MAP3K14: variants seen among roughly 807,000 people sequenced by gnomAD.
The protein encoded by MAP3K14 is NF-kappa-beta-inducing kinase.
In MAP3K14, 16 loss-of-function variants were observed where a neutral mutation model predicts 99.2. The ratio of observed to expected loss-of-function variants is 0.16; its 90% CI spans 0.11 to 0.24. The LOEUF (loss-of-function observed/expected upper bound fraction) is 0.24. MAP3K14 is among the 10% of genes least tolerant of loss of function. The pLI, the probability that MAP3K14 is intolerant of heterozygous loss-of-function variation, is 1.00. For synonymous variants in MAP3K14, 462 were observed against 492.4 expected (o/e 0.94, Z 0.82); for missense variants, 784 against 1,208.7 (o/e 0.65, Z 5.21).
intron 1 of MAP3K14, among the ~76,000 whole-genome samples, chr17:45,299,844 C>A (rs1364591010): frequency 6.6e-6 from 1 of 152,046 alleles, no homozygotes; most frequent in Admixed American, 6.5e-5. Flanking sequence ...AATCCCAGCA[C>A]TTTCGGAGGC....
chr17:45,293,096 G>A (rs138089681), intron 1 of MAP3K14, among the ~76,000 whole-genome samples: 5 of 152,212 alleles, frequency 3.3e-5, no homozygotes, highest in South Asian at 2.1e-4. Flanking sequence ...CACAGACCAC[G>A]CAACTGACGC....
At chr17:45,296,474 G>A (rs1005683812) in intron 1 of MAP3K14, among the ~76,000 whole-genome samples, 22 of 151,892 alleles carry the variant, frequency 1.4e-4, no homozygotes, top group Admixed American at 6.6e-5. Context: ...CTGCACCACC[G>A]CACTCCAGTC....
At chr17:45,305,075 A>AT (rs1238748259) in intron 1 of MAP3K14, among the ~76,000 whole-genome samples, 1 of 151,826 alleles carries the variant, frequency 6.6e-6, no homozygotes, top group Non-Finnish European at 1.5e-5. Context: ...GAAGTGTAAG[A>AT]TTTTTTTTGG....
At chr17:45,310,091 A>G (rs61576457) in intron 1 of MAP3K14, among the ~76,000 whole-genome samples, 2 of 147,124 alleles carry the variant, frequency 1.4e-5, no homozygotes, top group Non-Finnish European at 3.0e-5. Context: ...CTGGAGTGCA[A>G]TGGTGGATCT....
At chr17:45,289,867 C>T (rs1411733259) in intron 2 of MAP3K14, among the ~76,000 whole-genome samples, 1 of 152,184 alleles carries the variant, frequency 6.6e-6, no homozygotes, top group Admixed American at 6.6e-5. Flanking sequence ...AGAAGCCTCC[C>T]GGGTTGAGGG....
intron 1 of MAP3K14, among the ~76,000 whole-genome samples, chr17:45,299,187 C>T (rs2044368362): frequency 6.6e-6 from 1 of 152,004 alleles, no homozygotes; most frequent in African/African-American, 2.4e-5. Flanking sequence ...GATGAGTGAG[C>T]GGGGTATAAT....
chr17:45,265,369 C>A, intron 14 of MAP3K14, 106 bp from the exon 15 acceptor site: 2 of 744,674 alleles, frequency 2.7e-6, no homozygotes, highest in East Asian at 5.0e-5. Flanking sequence ...TCACTCTGCC[C>A]TATGTAGGGG....
At chr17:45,266,066 G>A (rs2044079116) in intron 14 of MAP3K14, among the ~76,000 whole-genome samples, 1 of 152,210 alleles carries the variant, frequency 6.6e-6, no homozygotes, top group Non-Finnish European at 1.5e-5. Context: ...TGCCCTTGTT[G>A]TAGCAAAGCC....
intron 7 of MAP3K14, 54 bp from the exon 8 acceptor site, chr17:45,274,308 G>A: frequency 6.3e-7 from 1 of 1,580,472 alleles, no homozygotes; most frequent in Admixed American, 1.8e-5. Context: ...CTCCATGCCA[G>A]CCAAGGGCAA....
intron 1 of MAP3K14, among the ~76,000 whole-genome samples, chr17:45,306,979 C>T (rs74253619): frequency 0.023 from 3,455 of 152,166 alleles, 126 homozygotes; most frequent in East Asian, 0.15. Context: ...TTTTTCAGGC[C>T]GGGAGTGGTG....
chr17:45,287,736 GCTC>G (rs2044278827), intron 3 of MAP3K14, among the ~76,000 whole-genome samples: 1 of 152,224 alleles, frequency 6.6e-6, no homozygotes, highest in African/African-American at 2.4e-5. Flanking sequence ...TTCGCTCACT[GCTC>G]TCCAAGGTGA....
In MAP3K14 at chr17:45,286,328, GTTTGA is replaced by G. The variant is rs889419546; in HGVS notation, c.1152+98_1152+102del. On this transcript the variant is annotated intron_variant, in intron 5 of 15. Coordinates refer to ENST00000344686, the MANE Select transcript of MAP3K14 (RefSeq NM_003954.5). The surrounding 1 kb of genome is among the most constrained non-coding windows in gnomAD (Gnocchi z 4.1). ...CATCCACAATGAGCACTGTCCTACT[GTTTGA>G]TTTGTCACCACAGGCAAGAGTGACT... 16 of 1,350,080 alleles carry G rather than the reference GTTTGA, an allele frequency of 1.2e-5. No individual in the cohort carries two copies. The African/African-American group carries it at 1.8e-4, about 15-fold the overall frequency. 83.6% of individuals were successfully genotyped at this position (1,350,080 alleles called of 1,614,324 possible).
At chr17:45,289,349 G>C (rs777568432) in intron 2 of MAP3K14, 44 bp from the exon 3 acceptor site, 4 of 1,519,754 alleles carry the variant, frequency 2.6e-6, no homozygotes, top group Non-Finnish European at 3.7e-6. Flanking sequence ...GAAAAAATAG[G>C]AATTTAGCAC....
At chr17:45,280,921 CTT>C (rs1190732731) in intron 6 of MAP3K14, among the ~76,000 whole-genome samples, 3 of 152,122 alleles carry the variant, frequency 2.0e-5, no homozygotes, top group Non-Finnish European at 4.4e-5. Flanking sequence ...GACAAACACT[CTT>C]TTGAATAAAT....
intron 9 of MAP3K14, among the ~76,000 whole-genome samples, chr17:45,271,612 C>T (rs2044143168): frequency 2.0e-5 from 3 of 152,220 alleles, no homozygotes; most frequent in Admixed American, 2.0e-4. Flanking sequence ...TCCCAAAGTG[C>T]TGAGATTACA....
rs1470514699 is a variant in MAP3K14, at chr17:45,263,130, C to CAA, written c.*1505_*1506insTT. 1.3e-5 allele frequency: 2 copies of CAA among 152,332 alleles called. No homozygotes were observed. Among genetic ancestry groups the CAA allele is most frequent in the Non-Finnish European group, 2.9e-5 (2 of 68,118 alleles). 9.4% of individuals were successfully genotyped at this position (152,332 alleles called of 1,614,324 possible). ...AGAGAGGACACCGATGGCCTGGAAACATTTGTCATCACCCCAAACTTTATT... is the reference window on the plus strand; with the variant it reads ...AGAGAGGACACCGATGGCCTGGAAACAAATTTGTCATCACCCCAAACTTTATT... On this transcript the variant is annotated 3_prime_UTR_variant, in exon 16 of 16. Coordinates refer to ENST00000344686, the MANE Select transcript of MAP3K14 (RefSeq NM_003954.5).
At position 45,266,653 on chromosome 17, in the gene MAP3K14, C is replaced by T. The variant is rs754282933; in HGVS notation, c.2462G>A (p.Arg821Gln). ...KNPSKASQSS[R>Q]DTLSSGVHSW... ...GTGTACGCCTGAGCTCAGGGTGTCC[C>T]GCGAGCTTTGAGAGGCCTTTGATGG... Residue 821 changes from arginine (R) to glutamine (Q), a missense_variant, in exon 14 of 16, where the codon CGG (arginine) becomes CAG (glutamine). By Grantham distance (43) the Arg-to-Gln change is conservative. Transcript: ENST00000344686. 4.3e-5 allele frequency: 70 copies of T among 1,612,388 alleles called. No individual in the cohort carries two copies. Among genetic ancestry groups the T allele is most frequent in the South Asian group, 1.8e-4 (16 of 91,044 alleles).
In MAP3K14 at chr17:45,267,051, A is replaced by G; in HGVS notation, c.2433+41T>C. The G allele has an allele frequency of 7.0e-7, 1 of 1,437,586 alleles. No individual in the cohort carries two copies. Among genetic ancestry groups the G allele is most frequent in the Non-Finnish European group, 9.6e-7 (1 of 1,043,512 alleles). The allele number at this position is 1,437,586 out of a possible 1,614,324, so 89.1% of individuals were successfully genotyped here. A position where few individuals can be genotyped will look rare whatever the true frequency, so the allele number is the denominator to read the frequency against. ...GCTCTGTGCCAGGGCCGGGAAAACC[A>G]CACCCCTGGAGCCATGGCTCCGGGG... On this transcript the variant is annotated intron_variant, in intron 13 of 15. Coordinates refer to ENST00000344686, the MANE Select transcript of MAP3K14 (RefSeq NM_003954.5). The surrounding 1 kb of genome is among the most constrained non-coding windows in gnomAD (Gnocchi z 5.1).
Position 45,276,823 on chromosome 17 carries a change from C to CTTTTTT in MAP3K14, c.1291-2236_1291-2231dup, listed in dbSNP as rs35012373. ...CCACTGTGCCCGGCCTCTTAGACTT[C>CTTTTTT]TTTTTTTTTTTTTTTTTTTTTTTGA... On this transcript the variant is annotated intron_variant, in intron 6 of 15. Transcript: ENST00000344686. 1.5e-3 allele frequency among the ~76,000 whole-genome samples: 95 copies of CTTTTTT among 62,276 alleles called. 1 individual carries two copies. The highest frequency in any genetic ancestry group is 2.1e-3 in the Non-Finnish European group (77 of 35,892). 40.9% of individuals were successfully genotyped at this position (62,276 alleles called of 152,430 possible). A position where few individuals can be genotyped will look rare whatever the true frequency, so the allele number is the denominator to read the frequency against.
Sources: gnomAD v4.1 joint callset for allele counts (sites outside exome capture counted in the v4.1 genomes callset) on GRCh38, gnomAD v4.1.1 for gene constraint, Gnocchi (gnomAD v3.1) non-coding constraint, MANE v1.5 for transcripts, NCBI Gene and HGNC (gene_info 2026-07-23, HGNC 2026-07-21) for gene names.